Variants in CNBD2 observed in about 807,000 individuals in gnomAD.
CNBD2 encodes cyclic nucleotide binding domain containing 2, also known as cyclic nucleotide-binding domain-containing protein 2.
In CNBD2, 64 loss-of-function variants were observed where a neutral mutation model predicts 63.7. The ratio of observed to expected loss-of-function variants is 1.00; its 90% confidence interval spans 0.82 to 1.24. The LOEUF (loss-of-function observed/expected upper bound fraction) is 1.24, where lower values mean the gene tolerates loss of function less well. Ranked by LOEUF, CNBD2 falls within the 50% of genes most tolerant of loss-of-function variation. The pLI is 0.00. For missense variants in CNBD2, 691 were observed against 713.5 expected, an observed-to-expected ratio of 0.97 and a Z score of 0.36; for synonymous variants, 229 against 255.4, an observed-to-expected ratio of 0.90 and a Z score of 0.99.
upstream of CNBD2, chr20:35,954,536 T>C (rs2056228782): frequency 2.6e-6 from 4 of 1,510,218 alleles, no homozygotes; most frequent in Non-Finnish European, 1.8e-6. Flanking sequence ...CGGAAGCCGC[T>C]TGCGGGCTCC....
intron 4 of CNBD2, among the ~76,000 whole-genome samples, chr20:35,981,449 T>G (rs539867678): frequency 2.0e-5 from 3 of 152,258 alleles, no homozygotes; most frequent in African/African-American, 7.2e-5. Context: ...ATTATTATTA[T>G]TTTTTGAGAT....
Position 35,995,033 on chromosome 20 carries a change from T to C in CNBD2, c.856-5T>C, listed in dbSNP as rs1307662585. On this transcript the variant is annotated splice_polypyrimidine_tract_variant and splice_region_variant and intron_variant, in intron 7 of 11. Transcript: ENST00000373973. The stretch of plus-strand genomic sequence containing the variant: ...CCCTTTTCCTATGTCCCTTGCTGTG[T>C]TCAGGGCAGCTGTGAAGTCCTGCGG... 8.7e-6 allele frequency: 14 copies of C among 1,610,874 alleles called. No individual in the cohort carries two copies. The highest frequency in any genetic ancestry group is 4.0e-5 in the African/African-American group (3 of 74,888).
chr20:35,973,011 G>T lies in CNBD2; in HGVS notation c.189+245G>T. ...CCTTACATGCCTAGCCACAGGCAAC[G>T]CTGGACCAAGGCAGGCTCCACTGCA... On this transcript the variant is annotated intron_variant, in intron 2 of 11. Coordinates refer to ENST00000373973, the MANE Select transcript of CNBD2 (RefSeq NM_001365709.1). 4 of 527,282 alleles carry T rather than the reference G, an allele frequency of 7.6e-6. No homozygotes were observed. In the South Asian group the frequency reaches 1.3e-4, roughly 18 times the overall value. The allele number at this position is 527,282 out of a possible 1,614,324, so 32.7% of individuals were successfully genotyped here.
chr20:36,001,438 C>T (rs1036593836), intron 8 of CNBD2, among the ~76,000 whole-genome samples: 8 of 150,014 alleles, frequency 5.3e-5, no homozygotes, highest in East Asian at 2.0e-4. Flanking sequence ...CCAGTAGGGG[C>T]GGCCGGGCAG....
intron 2 of CNBD2, among the ~76,000 whole-genome samples, chr20:35,962,594 A>C (rs1342518270): frequency 2.0e-5 from 3 of 152,124 alleles, no homozygotes; most frequent in Non-Finnish European, 2.9e-5. Flanking sequence ...AGGACATTGG[A>C]GCCCCACTGG....
intron 1 of CNBD2, among the ~76,000 whole-genome samples, chr20:35,970,421 G>C (rs2056396220): frequency 6.6e-6 from 1 of 152,040 alleles, no homozygotes; most frequent in African/African-American, 2.4e-5. Context: ...TTTTGAGACA[G>C]AGTCTCACTC....
At chr20:35,977,773 A>C (rs1158334293) in intron 3 of CNBD2, among the ~76,000 whole-genome samples, 1 of 152,218 alleles carries the variant, frequency 6.6e-6, no homozygotes, top group Non-Finnish European at 1.5e-5. Context: ...CTTCCAAAAC[A>C]GTGTGGTGAT....
At position 36,023,693 on chromosome 20, in the gene CNBD2, A is replaced by G. The variant is rs1417276320; in HGVS notation, c.1361A>G (p.Lys454Arg). 1 of 1,614,012 alleles carries G rather than the reference A, an allele frequency of 6.2e-7. No homozygotes were observed. The highest frequency in any genetic ancestry group is 1.1e-5 in the South Asian group (1 of 91,050). Residue 454 changes from lysine (K) to arginine (R), a missense_variant, in exon 11 of 12, where the codon AAG becomes AGG. Physicochemically the swap from Lys to Arg is conservative, Grantham distance 26. Coordinates refer to ENST00000373973, the MANE Select transcript of CNBD2 (RefSeq NM_001365709.1). ...GGAAATGAGTTGATACGGATAAGGA[A>G]GGAAATATTTTATGAACTGATTGAC... ...SLGNELIRIR[K>R]EIFYELIDND... is the part of the protein sequence containing the mutation.
chr20:35,994,282 C>T (rs1049372983), intron 7 of CNBD2, among the ~76,000 whole-genome samples: 5 of 152,066 alleles, frequency 3.3e-5, no homozygotes, highest in Admixed American at 6.5e-5. Context: ...TCAGGCTGGT[C>T]TCGAACTCCC....
chr20:36,030,282 G>T, intron 11 of CNBD2, 75 bp from the exon 12 acceptor site: 1 of 1,392,694 alleles, frequency 7.2e-7, no homozygotes, highest in Non-Finnish European at 1.0e-6. Flanking sequence ...TGCTTAGGGA[G>T]GGGAGAGTGG....
intron 4 of CNBD2, among the ~76,000 whole-genome samples, chr20:35,981,466 C>T (rs62213162): frequency 3.4e-4 from 51 of 152,146 alleles, no homozygotes; most frequent in South Asian, 8.3e-4. Context: ...AGATGGGTCT[C>T]GTCCTGTCAA....
intron 2 of CNBD2, among the ~76,000 whole-genome samples, chr20:35,975,126 C>G (rs201446694): frequency 3.2e-5 from 4 of 124,496 alleles, no homozygotes; most frequent in South Asian, 2.9e-4. Flanking sequence ...CTCAGCCTCC[C>G]GAGTAGCTGG....
upstream of CNBD2, among the ~76,000 whole-genome samples, chr20:35,966,133 T>C (rs1341494565): frequency 1.3e-5 from 2 of 152,222 alleles, no homozygotes; most frequent in South Asian, 2.1e-4. Flanking sequence ...GATCCTCTTA[T>C]ATTTCCTTCC....
chr20:35,978,513 T>A (rs1601027661), intron 3 of CNBD2, among the ~76,000 whole-genome samples: 1 of 152,170 alleles, frequency 6.6e-6, no homozygotes, highest in East Asian at 1.9e-4. Context: ...CCCTGCTAAT[T>A]TTTTGTATTT....
chr20:36,012,651 C>T (rs1386648692), intron 10 of CNBD2, among the ~76,000 whole-genome samples: 1 of 151,016 alleles, frequency 6.6e-6, no homozygotes, highest in Non-Finnish European at 1.5e-5. Flanking sequence ...CATGGAGAAA[C>T]CCTGTCTCTA....
chr20:35,960,292 G>T (rs2056295941), downstream of CNBD2, among the ~76,000 whole-genome samples: 1 of 133,732 alleles, frequency 7.5e-6, no homozygotes, highest in South Asian at 2.1e-4. Flanking sequence ...GCCCAGCAAT[G>T]AATGAGAATT....
At chr20:36,001,905 T>G (rs1345956965) in intron 8 of CNBD2, among the ~76,000 whole-genome samples, 1 of 147,268 alleles carries the variant, frequency 6.8e-6, no homozygotes, top group Non-Finnish European at 1.5e-5. Context: ...CGCTCCTCAC[T>G]TCCCAGACTG....
chr20:35,954,534 G>T (rs35005711), upstream of CNBD2: 1 of 1,514,822 alleles, frequency 6.6e-7, no homozygotes, highest in South Asian at 1.2e-5. Flanking sequence ...CCCGGAAGCC[G>T]CTTGCGGGCT....
At chr20:35,993,532 A>G (rs898527671) in intron 7 of CNBD2, among the ~76,000 whole-genome samples, 10 of 152,220 alleles carry the variant, frequency 6.6e-5, no homozygotes, top group Non-Finnish European at 1.3e-4. Flanking sequence ...TTTGGCATGA[A>G]AAGAGGTATT....
Sources: gnomAD v4.1 joint callset for allele counts (sites outside exome capture counted in the v4.1 genomes callset) on GRCh38, gnomAD v4.1.1 for gene constraint, MANE v1.5 for transcripts, NCBI Gene and HGNC (gene_info 2026-07-23, HGNC 2026-07-21) for gene names.